GFPT2: variants seen among roughly 807,000 people sequenced by gnomAD.
GFPT2 encodes the protein glutamine--fructose-6-phosphate aminotransferase [isomerizing] 2.
GFPT2 carries 62 observed loss-of-function variants against 85.6 expected under a neutral mutation model. The ratio of observed to expected loss-of-function variants is 0.72; its 90% confidence interval spans 0.59 to 0.90. The LOEUF (loss-of-function observed/expected upper bound fraction) is 0.90, where lower values mean the gene tolerates loss of function less well. GFPT2 is among the 40% of genes least tolerant of loss of function. The pLI is 0.00. For missense variants in GFPT2, 788 were observed against 893.4 expected, an observed-to-expected ratio of 0.88 and a Z score of 1.50; for synonymous variants, 368 against 344.5, an observed-to-expected ratio of 1.07 and a Z score of -0.75.
At position 180,339,345 on chromosome 5, in the gene GFPT2, A is replaced by C. The variant is rs917772914; in HGVS notation, c.8-745T>G. Among the ~76,000 whole-genome samples, 24 of 139,450 alleles carry C rather than the reference A, an allele frequency of 1.7e-4. 1 individual carries two copies. Among genetic ancestry groups the C allele is most frequent in the Non-Finnish European group, 1.5e-5 (1 of 66,540 alleles). The allele number at this position is 139,450 out of a possible 152,430, so 91.5% of individuals were successfully genotyped here. On this transcript the variant is annotated intron_variant, in intron 1 of 18. Transcript: ENST00000253778. ...CAGTGAGCCGAGATCGTGCCACAGC[A>C]CTCCAGCCTGGCGACAGAGCTAGAC...
Position 180,353,332 on chromosome 5 carries a change from C to CGTG in GFPT2, c.-116_-115insCAC. On this transcript the variant is annotated 5_prime_UTR_variant, in exon 1 of 19. Transcript: ENST00000253778. ...TGGGCTCCGTGGGCTCCGCGGGCTCCAGCTCCCGTCCGCTCGGCCTCCAGC... is the reference window on the plus strand; with the variant it reads ...TGGGCTCCGTGGGCTCCGCGGGCTCCGTGAGCTCCCGTCCGCTCGGCCTCCAGC... 1 of 738,832 alleles carries CGTG rather than the reference C, an allele frequency of 1.4e-6. No individual in the cohort carries two copies. Among genetic ancestry groups the CGTG allele is most frequent in the Non-Finnish European group, 1.7e-6 (1 of 581,736 alleles). 45.8% of individuals were successfully genotyped at this position (738,832 alleles called of 1,614,324 possible). A position where few individuals can be genotyped will look rare whatever the true frequency, so the allele number is the denominator to read the frequency against.
In GFPT2 at chr5:180,328,306, G is replaced by GA. The variant is rs1350195003; in HGVS notation, c.566dup (p.His190ProfsTer47). 1 of 1,613,172 alleles carries GA rather than the reference G, an allele frequency of 6.2e-7. No homozygotes were observed. The highest frequency in any genetic ancestry group is 8.5e-7 in the Non-Finnish European group (1 of 1,179,138). On this transcript the variant is annotated frameshift_variant, in exon 7 of 19. Transcript: ENST00000253778. LOFTEE classifies it high-confidence loss of function. This position sits in a 1 kb window ranked among gnomAD's most constrained non-coding sequence, Gnocchi z 5.4. Reference sequence around the variant, plus strand: ...TGGCAACGGCTTCTCCTGGGTAGTGGACACTCTTGAAAACCAGCGCGAATG... The same window carrying GA: ...TGGCAACGGCTTCTCCTGGGTAGTGGAACACTCTTGAAAACCAGCGCGAATG...
intron 16 of GFPT2, 35 bp from the exon 17 acceptor site, chr5:180,304,974 G>C: frequency 6.7e-7 from 1 of 1,483,404 alleles, no homozygotes. Flanking sequence ...GTCACACTGG[G>C]CAGATGGGGC....
chr5:180,350,006 C>T (rs1337953252), intron 1 of GFPT2, among the ~76,000 whole-genome samples: 4 of 152,046 alleles, frequency 2.6e-5, no homozygotes, highest in Admixed American at 6.6e-5. Context: ...GTCCATGCTG[C>T]CACACTCCAG....
At chr5:180,329,788 G>C (rs1265860572) in intron 6 of GFPT2, among the ~76,000 whole-genome samples, 1 of 152,218 alleles carries the variant, frequency 6.6e-6, no homozygotes, top group Non-Finnish European at 1.5e-5. Flanking sequence ...CTGTCTGACA[G>C]GATGGGCTCT....
chr5:180,353,336 T>C lies in GFPT2; in HGVS notation c.-119A>G. 1.5e-6 allele frequency: 1 copy of C among 647,156 alleles called. No individual in the cohort carries two copies. Among genetic ancestry groups the C allele is most frequent in the Non-Finnish European group, 1.9e-6 (1 of 517,976 alleles). 40.1% of individuals were successfully genotyped at this position (647,156 alleles called of 1,614,324 possible). A position where few individuals can be genotyped will look rare whatever the true frequency, so the allele number is the denominator to read the frequency against. On this transcript the variant is annotated 5_prime_UTR_variant, in exon 1 of 19. Coordinates refer to ENST00000253778, the MANE Select transcript of GFPT2 (RefSeq NM_005110.4). ...CTCCGTGGGCTCCGCGGGCTCCAGC[T>C]CCCGTCCGCTCGGCCTCCAGCCCTT...
In GFPT2 at chr5:180,323,742, G is replaced by A. The variant is rs1764162933; in HGVS notation, c.794+446C>T. Among the ~76,000 whole-genome samples, 1 of 152,124 alleles carries A rather than the reference G, an allele frequency of 6.6e-6. No homozygotes were observed. On this transcript the variant is annotated intron_variant, in intron 9 of 18. Coordinates refer to ENST00000253778, the MANE Select transcript of GFPT2 (RefSeq NM_005110.4). The surrounding 1 kb of genome is among the most constrained non-coding windows in gnomAD (Gnocchi z 4.0). Reference sequence around the variant, plus strand: ...CCAGGCAAAGGCAGGGAGGGGCATGGGAGGGACTGAGGTCTAGACACAGTT... The same window carrying A: ...CCAGGCAAAGGCAGGGAGGGGCATGAGAGGGACTGAGGTCTAGACACAGTT...
chr5:180,336,016 T>A, intron 3 of GFPT2, 63 bp from the exon 4 acceptor site: 1 of 1,473,502 alleles, frequency 6.8e-7, no homozygotes, highest in Non-Finnish European at 9.1e-7. Flanking sequence ...GGACTGTGAG[T>A]GCAACCTGGT....
rs1479358060 is a variant in GFPT2, at chr5:180,318,064, C to A, written c.958+729G>T. Among the ~76,000 whole-genome samples, 1 of 152,102 alleles carries A rather than the reference C, an allele frequency of 6.6e-6. No individual in the cohort carries two copies. Among genetic ancestry groups the A allele is most frequent in the Admixed American group, 6.6e-5 (1 of 15,266 alleles). The stretch of plus-strand genomic sequence containing the variant: ...GGGAGGGGCTGGGGAGGGACCATGG[C>A]AGACACAGGAGCAGAGAAGGAGTCT... On this transcript the variant is annotated intron_variant, in intron 10 of 18. Coordinates refer to ENST00000253778, the MANE Select transcript of GFPT2 (RefSeq NM_005110.4). The surrounding 1 kb of genome is among the most constrained non-coding windows in gnomAD (Gnocchi z 4.2).
At chr5:180,351,042 G>C (rs1186705899) in intron 1 of GFPT2, among the ~76,000 whole-genome samples, 1 of 152,208 alleles carries the variant, frequency 6.6e-6, no homozygotes, top group Admixed American at 6.5e-5. Context: ...GCATCTTCAC[G>C]ATTCTTGCAG....
chr5:180,320,338 A>T (rs1299746358), intron 9 of GFPT2, among the ~76,000 whole-genome samples: 1 of 152,084 alleles, frequency 6.6e-6, no homozygotes, highest in Admixed American at 6.5e-5. Context: ...AAGAATAATG[A>T]TTTTTTTCCC....
intron 1 of GFPT2, among the ~76,000 whole-genome samples, chr5:180,351,059 T>C (rs1764702348): frequency 6.6e-6 from 1 of 152,248 alleles, no homozygotes; most frequent in Non-Finnish European, 1.5e-5. Context: ...GCAGTATCCT[T>C]GTACTAATAG....
intron 4 of GFPT2, among the ~76,000 whole-genome samples, chr5:180,332,617 G>A (rs547084387): frequency 2.0e-5 from 3 of 152,066 alleles, no homozygotes; most frequent in East Asian, 1.9e-4. Flanking sequence ...GGCTCACCAC[G>A]ACTGCTGCCT....
chr5:180,345,626 C>T (rs575473028), intron 1 of GFPT2, among the ~76,000 whole-genome samples: 2 of 152,374 alleles, frequency 1.3e-5, no homozygotes, highest in South Asian at 2.1e-4. Flanking sequence ...TTCGGCTCCC[C>T]GCTGGATTGT....
chr5:180,349,878 G>GTT (rs61294953), intron 1 of GFPT2, among the ~76,000 whole-genome samples: 2 of 146,050 alleles, frequency 1.4e-5, no homozygotes, highest in East Asian at 2.0e-4. Context: ...CACAGTGATT[G>GTT]TTTTTTTTTT....
chr5:180,324,065 T>C (rs913810948), intron 9 of GFPT2, 123 bp downstream of exon 9: 15 of 695,652 alleles, frequency 2.2e-5, no homozygotes, highest in African/African-American at 3.6e-5. Flanking sequence ...AACTCTTCTT[T>C]GGCCCTGCGA....
chr5:180,315,263 C>T (rs190432524), intron 13 of GFPT2, among the ~76,000 whole-genome samples: 3,580 of 151,810 alleles, frequency 0.024, 114 homozygotes, highest in East Asian at 0.14. Context: ...CTGCAAGCTC[C>T]GCCTCCCGGG....
intron 15 of GFPT2, 89 bp from the exon 16 acceptor site, chr5:180,307,392 G>A (rs1763803503): frequency 1.5e-6 from 2 of 1,343,824 alleles, no homozygotes; most frequent in East Asian, 2.3e-5. Flanking sequence ...TTTAAGAGGA[G>A]CTTTTGAAAC....
At chr5:180,308,644 G>T (rs939174036) in intron 15 of GFPT2, among the ~76,000 whole-genome samples, 2 of 152,196 alleles carry the variant, frequency 1.3e-5, no homozygotes, top group Non-Finnish European at 2.9e-5. Flanking sequence ...TGAAAGGGTA[G>T]GTGCCAATAT....
Sources: allele counts gnomAD v4.1 joint callset (sites outside exome capture counted in the v4.1 genomes callset), GRCh38; gene constraint gnomAD v4.1.1; non-coding constraint Gnocchi (gnomAD v3.1); transcripts MANE v1.5; gene names NCBI Gene and HGNC (gene_info 2026-07-23, HGNC 2026-07-21).